The following FNIP1 variants were observed in gnomAD, a reference collection of about 807,000 sequenced individuals.
The protein encoded by FNIP1 is folliculin-interacting protein 1.
A neutral mutation model predicts 124.5 loss-of-function variants in FNIP1; 40 were observed. That is an observed-to-expected ratio of 0.32 (90% CI 0.25 to 0.42). FNIP1 has a LOEUF of 0.42. Ranked by LOEUF, FNIP1 falls within the 10% of genes least tolerant of loss-of-function variation. FNIP1 has a pLI of 1.00. For missense variants in FNIP1, 1,176 were observed against 1,403.7 expected, an observed-to-expected ratio of 0.84 and a Z score of 2.59; for synonymous variants, 472 against 470.6, an observed-to-expected ratio of 1.00 and a Z score of -0.04.
At chr5:131,773,852 G>T (rs758324) in intron 1 of FNIP1, among the ~76,000 whole-genome samples, 118,614 of 152,022 alleles carry the variant, frequency 0.78, 46,483 homozygotes, top group Middle Eastern at 0.83. Flanking sequence ...AGAGGGGTAT[G>T]TGGCAGGAAA....
chr5:131,666,468 G>A (rs868443500), intron 15 of FNIP1, among the ~76,000 whole-genome samples: 2 of 152,212 alleles, frequency 1.3e-5, no homozygotes, highest in African/African-American at 4.8e-5. Context: ...TAATATAAAA[G>A]TCTTATAACT....
chr5:131,777,353 G>A (rs1280552043), intron 1 of FNIP1, among the ~76,000 whole-genome samples: 10 of 151,540 alleles, frequency 6.6e-5, no homozygotes, highest in Admixed American at 6.6e-4. Context: ...AAGATCTCTA[G>A]AATACAGTGT....
rs1367352090 is a variant in FNIP1 at position 131,642,898 on chromosome 5, T to C, written c.*1787A>G. ...AAAAAAAAAAAAAAAAAAGGTACAA[T>C]GGCCCGCAAATGTATGAACTTTTTA... On this transcript the variant is annotated 3_prime_UTR_variant, in exon 18 of 18. Transcript: ENST00000510461. The C allele has an allele frequency of 6.9e-6, 1 of 143,990 alleles. No individual in the cohort carries two copies. Among genetic ancestry groups the C allele is most frequent in the Non-Finnish European group, 1.5e-5 (1 of 66,140 alleles). 8.9% of individuals were successfully genotyped at this position (143,990 alleles called of 1,614,324 possible). A position where few individuals can be genotyped will look rare whatever the true frequency, so the allele number is the denominator to read the frequency against.
intron 6 of FNIP1, among the ~76,000 whole-genome samples, chr5:131,713,037 A>G (rs1169784663): frequency 6.6e-6 from 1 of 151,658 alleles, no homozygotes; most frequent in Non-Finnish European, 1.5e-5. Context: ...CCTCAGTCTT[A>G]GTCTGTGTGC....
chr5:131,673,051 GT>G (rs368626411), intron 13 of FNIP1, 127 bp from the exon 14 acceptor site: 38,676 of 467,978 alleles, frequency 0.083, 6 homozygotes, highest in South Asian at 0.11. Flanking sequence ...TCGTTTTTTT[GT>G]TTTTTTTTTT....
Position 131,783,718 on chromosome 5 carries a change from C to T in FNIP1, c.92+13112G>A, listed in dbSNP as rs572469816. 7.2e-5 allele frequency among the ~76,000 whole-genome samples: 11 copies of T among 152,140 alleles called. No individual in the cohort carries two copies. In the South Asian group the frequency reaches 2.3e-3, roughly 32 times the overall value. Reference sequence around the variant, plus strand: ...AACCCCCAAAAAGCTTCTTGGGGGTCAGTTATGGCTTTTGACTTCTCAGCT... The same window carrying T: ...AACCCCCAAAAAGCTTCTTGGGGGTTAGTTATGGCTTTTGACTTCTCAGCT... On this transcript the variant is annotated intron_variant, in intron 1 of 17. Coordinates refer to ENST00000510461, the MANE Select transcript of FNIP1 (RefSeq NM_133372.3).
chr5:131,684,728 G>T (rs1768212834), intron 11 of FNIP1, among the ~76,000 whole-genome samples: 1 of 152,160 alleles, frequency 6.6e-6, no homozygotes, highest in Non-Finnish European at 1.5e-5. Flanking sequence ...TTTGGAGGGA[G>T]TCTTATGACA....
intron 13 of FNIP1, among the ~76,000 whole-genome samples, chr5:131,675,305 T>C (rs553186069): frequency 5.9e-5 from 9 of 152,346 alleles, no homozygotes; most frequent in African/African-American, 2.2e-4. Context: ...TTATAGTTCC[T>C]CCTTGAATTA....
chr5:131,788,011 G>A (rs1023887364), intron 1 of FNIP1, among the ~76,000 whole-genome samples: 10 of 152,112 alleles, frequency 6.6e-5, no homozygotes, highest in African/African-American at 2.4e-4. Flanking sequence ...ATGGTGTGGA[G>A]GGGAACACAG....
At chr5:131,721,870 A>C (rs546650441) in intron 3 of FNIP1, among the ~76,000 whole-genome samples, 24 of 152,336 alleles carry the variant, frequency 1.6e-4, no homozygotes, top group Admixed American at 1.5e-3. Context: ...CTTTGTCTTC[A>C]CAGGAGTCAG....
intron 11 of FNIP1, among the ~76,000 whole-genome samples, chr5:131,696,774 TTC>T (rs575995178): frequency 1.1e-3 from 172 of 152,198 alleles, no homozygotes; most frequent in Middle Eastern, 6.8e-3. Flanking sequence ...TGAAATTAAA[TTC>T]TCTCTGTTTT....
intron 11 of FNIP1, among the ~76,000 whole-genome samples, chr5:131,693,303 T>TATATAC (rs1768550441): frequency 1.7e-4 from 5 of 29,216 alleles, no homozygotes; most frequent in Admixed American, 8.5e-4. Flanking sequence ...TATACATATA[T>TATATAC]ATATATATAT....
intron 16 of FNIP1, among the ~76,000 whole-genome samples, chr5:131,648,497 C>T (rs2149502383): frequency 6.6e-6 from 1 of 152,122 alleles, no homozygotes; most frequent in Non-Finnish European, 1.5e-5. Context: ...TTATTAAAAG[C>T]TCCTAATAAA....
intron 15 of FNIP1, among the ~76,000 whole-genome samples, chr5:131,669,833 C>T (rs1012087177): frequency 6.6e-6 from 1 of 151,300 alleles, no homozygotes; most frequent in East Asian, 1.9e-4. Flanking sequence ...TGTCTTTCCC[C>T]TAAGATCAGG....
rs763547590 is a variant in FNIP1, at chr5:131,671,784, C to T, written c.2660G>A (p.Cys887Tyr). 3.1e-6 allele frequency: 5 copies of T among 1,614,078 alleles called. No homozygotes were observed. The highest frequency in any genetic ancestry group is 3.3e-5 in the Admixed American group (2 of 60,014). ...NNKQNNEFCK[C>Y]IETVPQDSCK... ...TGAATCTTGGGGAACTGTTTCTATA[C>T]ATTTACAAAATTCATTGTTCTGCTT... The change falls in exon 14 of 18, where the codon TGT becomes TAT. Residue 887 changes from cysteine to tyrosine, a missense_variant. Cys to Tyr is a radical substitution (Grantham distance 194). Coordinates refer to ENST00000510461, the MANE Select transcript of FNIP1 (RefSeq NM_133372.3).
chr5:131,788,072 C>T (rs568554919), intron 1 of FNIP1, among the ~76,000 whole-genome samples: 184 of 152,192 alleles, frequency 1.2e-3, no homozygotes, highest in African/African-American at 4.3e-3. Context: ...AAGGCATCAA[C>T]GGTTTGTATA....
At position 131,672,595 on chromosome 5, in the gene FNIP1, G is replaced by C; in HGVS notation, c.1849C>G (p.Leu617Val). The change falls in exon 14 of 18, where the codon CTC (leucine) becomes GTC (valine). Residue 617 changes from leucine (L) to valine (V), a missense_variant. By Grantham distance (32) the Leu-to-Val change is conservative. Around this residue, in one of 2 missense-constraint regions of FNIP1, gnomAD observed 1,109 missense variants for 1,288.5 expected, o/e 0.86. Transcript: ENST00000510461. Reference sequence around the variant, plus strand: ...ATGTTCTCTACATTTTGCCCAAGGAGTGGATGACTGCAATATTTACAGTTA... The same window carrying C: ...ATGTTCTCTACATTTTGCCCAAGGACTGGATGACTGCAATATTTACAGTTA... ...NCNCKYCSHP[L>V]LGQNVENISQ... The C allele has an allele frequency of 6.2e-7, 1 of 1,614,178 alleles. No individual in the cohort carries two copies. The highest frequency in any genetic ancestry group is 8.5e-7 in the Non-Finnish European group (1 of 1,180,026).
intron 1 of FNIP1, among the ~76,000 whole-genome samples, chr5:131,749,933 A>G (rs1770813179): frequency 6.6e-6 from 1 of 152,094 alleles, no homozygotes; most frequent in Non-Finnish European, 1.5e-5. Flanking sequence ...AAATTGCCTA[A>G]CAATGCATTC....
chr5:131,737,106 G>A (rs1237653888), intron 2 of FNIP1, among the ~76,000 whole-genome samples: 1 of 152,130 alleles, frequency 6.6e-6, no homozygotes, highest in Non-Finnish European at 1.5e-5. Flanking sequence ...TCACTTCTCT[G>A]AGATAACAAA....
Sources: allele counts gnomAD v4.1 joint callset (sites outside exome capture counted in the v4.1 genomes callset), GRCh38; gene constraint gnomAD v4.1.1; regional missense constraint gnomAD v4.1.1; transcripts MANE v1.5; gene names NCBI Gene and HGNC (gene_info 2026-07-23, HGNC 2026-07-21).